Variants in ZSWIM6 observed in about 807,000 individuals in gnomAD.
ZSWIM6 encodes the protein zinc finger SWIM-type containing 6, also known as zinc finger SWIM domain-containing protein 6.
A neutral mutation model predicts 113.2 loss-of-function variants in ZSWIM6; 9 were observed. The ratio of observed to expected loss-of-function variants is 0.08; its 90% CI spans 0.05 to 0.14. ZSWIM6 has a LOEUF of 0.14. ZSWIM6 is among the 10% of genes least tolerant of loss of function. The pLI is 1.00. For synonymous variants in ZSWIM6, 611 were observed against 606.5 expected, an observed-to-expected ratio of 1.01 and a Z score of -0.11; for missense variants, 1,162 against 1,552.2, an observed-to-expected ratio of 0.75 and a Z score of 4.22.
intron 1 of ZSWIM6, among the ~76,000 whole-genome samples, chr5:61,439,230 C>A (rs1424706055): frequency 6.6e-6 from 1 of 152,098 alleles, no homozygotes. Context: ...AGTTCCCTTG[C>A]CATTTGAGAT....
At chr5:61,506,555 C>T (rs181305376) in intron 4 of ZSWIM6, among the ~76,000 whole-genome samples, 4 of 151,314 alleles carry the variant, frequency 2.6e-5, no homozygotes, top group Non-Finnish European at 5.9e-5. Flanking sequence ...GCCTGGGCAA[C>T]AGAGTGAGAC....
At chr5:61,402,532 T>C (rs12188465) in intron 1 of ZSWIM6, among the ~76,000 whole-genome samples, 4,050 of 151,288 alleles carry the variant, frequency 0.027, 80 homozygotes, top group Non-Finnish European at 0.044. Flanking sequence ...GTTTTTTTTT[T>C]CCCCCCAGGA....
At chr5:61,372,721 C>G (rs74718941) in intron 1 of ZSWIM6, among the ~76,000 whole-genome samples, 2,882 of 152,298 alleles carry the variant, frequency 0.019, 84 homozygotes, top group African/African-American at 0.066. Context: ...TTATTTGTTA[C>G]ACTTGTGCCT....
intron 1 of ZSWIM6, among the ~76,000 whole-genome samples, chr5:61,412,596 G>C (rs925693029): frequency 1.1e-4 from 17 of 152,162 alleles, no homozygotes; most frequent in Non-Finnish European, 1.8e-4. Flanking sequence ...ATTGAAGAAA[G>C]CAAGTTCCGC....
chr5:61,334,771 CT>C (rs1031509667), intron 1 of ZSWIM6, among the ~76,000 whole-genome samples: 6 of 151,184 alleles, frequency 4.0e-5, no homozygotes, highest in African/African-American at 1.2e-4. Flanking sequence ...CTAGTTATAC[CT>C]TTTTTTTTGT....
At chr5:61,476,278 G>A (rs1349410826) in intron 2 of ZSWIM6, among the ~76,000 whole-genome samples, 2 of 151,958 alleles carry the variant, frequency 1.3e-5, no homozygotes, top group African/African-American at 2.4e-5. Flanking sequence ...CACACACATT[G>A]TTCTTCACAA....
intron 1 of ZSWIM6, chr5:61,390,619 T>C: frequency 2.9e-6 from 2 of 685,094 alleles, no homozygotes; most frequent in Non-Finnish European, 5.3e-6. Context: ...TTTTTTCCAG[T>C]GGAAAATAAC....
chr5:61,414,556 A>T (rs1746210153), intron 1 of ZSWIM6, among the ~76,000 whole-genome samples: 2 of 152,214 alleles, frequency 1.3e-5, no homozygotes. Flanking sequence ...CTATAAAATT[A>T]GTTATGGTTT....
chr5:61,459,015 A>G (rs1007264596), intron 1 of ZSWIM6, among the ~76,000 whole-genome samples: 2 of 152,210 alleles, frequency 1.3e-5, no homozygotes, highest in Non-Finnish European at 2.9e-5. Flanking sequence ...CCTCAGACAC[A>G]TATTTGATTC....
intron 2 of ZSWIM6, among the ~76,000 whole-genome samples, chr5:61,475,618 T>C (rs1468569372): frequency 6.6e-6 from 1 of 152,144 alleles, no homozygotes; most frequent in Non-Finnish European, 1.5e-5. Context: ...TCAAATTTGC[T>C]CCCAGCCTGG....
chr5:61,374,516 T>C (rs2112071818), intron 1 of ZSWIM6, among the ~76,000 whole-genome samples: 1 of 152,330 alleles, frequency 6.6e-6, no homozygotes, highest in Admixed American at 6.5e-5. Flanking sequence ...ACATCATTTG[T>C]ACTTGGTGGA....
intron 9 of ZSWIM6, among the ~76,000 whole-genome samples, chr5:61,534,296 A>G (rs1026168830): frequency 2.0e-5 from 3 of 152,224 alleles, no homozygotes; most frequent in East Asian, 1.9e-4. Context: ...AAAAATTTGT[A>G]TGATTTTAAA....
intron 2 of ZSWIM6, among the ~76,000 whole-genome samples, chr5:61,476,980 A>C (rs1747722920): frequency 6.6e-6 from 1 of 152,220 alleles, no homozygotes; most frequent in Admixed American, 6.5e-5. Context: ...TAATTATAAA[A>C]AAAGATAACT....
intron 1 of ZSWIM6, among the ~76,000 whole-genome samples, chr5:61,357,292 T>C (rs1744934713): frequency 6.6e-6 from 1 of 152,120 alleles, no homozygotes; most frequent in African/African-American, 2.4e-5. Flanking sequence ...GTAGATTGAA[T>C]GATGAGGGCT....
At chr5:61,488,759 G>T (rs899469069) in intron 2 of ZSWIM6, among the ~76,000 whole-genome samples, 2 of 151,394 alleles carry the variant, frequency 1.3e-5, no homozygotes, top group African/African-American at 4.9e-5. Flanking sequence ...GTGGTACACT[G>T]TGTATACTTT....
chr5:61,336,006 T>C (rs940329848), intron 1 of ZSWIM6, among the ~76,000 whole-genome samples: 4 of 152,210 alleles, frequency 2.6e-5, no homozygotes, highest in Non-Finnish European at 5.9e-5. Context: ...CTCACACCTG[T>C]AATCCCCGAA....
chr5:61,428,425 CAGT>C (rs1490167700), intron 1 of ZSWIM6, among the ~76,000 whole-genome samples: 1 of 152,182 alleles, frequency 6.6e-6, no homozygotes, highest in Non-Finnish European at 1.5e-5. Flanking sequence ...CACAGTGATG[CAGT>C]CTTAGCTCAT....
chr5:61,392,215 T>C (rs1745732373), intron 1 of ZSWIM6, among the ~76,000 whole-genome samples: 1 of 152,222 alleles, frequency 6.6e-6, no homozygotes, highest in African/African-American at 2.4e-5. Flanking sequence ...TTTCTGCTGA[T>C]TTCTCTAGTA....
At chr5:61,489,124 A>G (rs1411109340) in intron 2 of ZSWIM6, among the ~76,000 whole-genome samples, 2 of 151,902 alleles carry the variant, frequency 1.3e-5, no homozygotes, top group Non-Finnish European at 2.9e-5. Flanking sequence ...TCTTCCATGC[A>G]CCATGTTTTT....
Sources: gnomAD v4.1 joint callset for allele counts (sites outside exome capture counted in the v4.1 genomes callset) on GRCh38, gnomAD v4.1.1 for gene constraint, MANE v1.5 for transcripts, NCBI Gene and HGNC (gene_info 2026-07-23, HGNC 2026-07-21) for gene names.